MCF2L: variants seen among roughly 807,000 people sequenced by gnomAD.
The protein encoded by MCF2L is MCF.2 cell line derived transforming sequence like.
Under a neutral mutation model 153.4 loss-of-function variants are expected in MCF2L, and 97 were observed. The observed-to-expected ratio is 0.63, with a 90% CI of 0.54 to 0.75. The LOEUF (loss-of-function observed/expected upper bound fraction) is 0.75. MCF2L is among the 30% of genes least tolerant of loss of function. MCF2L has a pLI of 0.00. For missense variants in MCF2L, 1,347 were observed against 1,495.2 expected (o/e 0.90, Z 1.64); for synonymous variants, 659 against 632.2 (o/e 1.04, Z -0.64).
chr13:113,090,268 G>C, intron 26 of MCF2L: 1 of 1,337,122 alleles, frequency 7.5e-7, no homozygotes, highest in Non-Finnish European at 9.8e-7. Flanking sequence ...ACGCAAAAGC[G>C]TTTCTTTCCA....
At chr13:113,007,053 G>A (rs886423100) in intron 1 of MCF2L, among the ~76,000 whole-genome samples, 5 of 152,204 alleles carry the variant, frequency 3.3e-5, no homozygotes, top group Non-Finnish European at 7.3e-5. Context: ...GTGTCTCTCA[G>A]ACAGTGGCTC....
intron 26 of MCF2L, chr13:113,090,144 C>T (rs2035063531): frequency 6.5e-7 from 1 of 1,541,492 alleles, no homozygotes; most frequent in Middle Eastern, 1.7e-4. Context: ...GTTTTGCTAA[C>T]CTCAAAGGTC....
At position 113,064,096 on chromosome 13, in the gene MCF2L, C is replaced by T. The variant is rs896207126; in HGVS notation, c.490-208C>T. On this transcript the variant is annotated intron_variant, in intron 5 of 29. Transcript: ENST00000535094. This position sits in a 1 kb window ranked among gnomAD's most constrained non-coding sequence, Gnocchi z 6.0. Reference sequence around the variant, plus strand: ...TAAGGGCCATAACACACACACGCCACCACGAGAGGAGGTGTCGGCGGGGCG... The same window carrying T: ...TAAGGGCCATAACACACACACGCCATCACGAGAGGAGGTGTCGGCGGGGCG... Among the ~76,000 whole-genome samples the T allele has an allele frequency of 3.3e-5, 5 of 152,206 alleles. No individual in the cohort carries two copies. The highest frequency in any genetic ancestry group is 3.3e-4 in the Admixed American group (5 of 15,282).
chr13:113,060,818 C>T (rs973059909), intron 5 of MCF2L, 106 bp downstream of exon 5: 18 of 1,487,014 alleles, frequency 1.2e-5, no homozygotes, highest in Middle Eastern at 2.0e-4. Flanking sequence ...CAGGGCCACA[C>T]GGTCAACAAA....
rs759066012 is a variant in MCF2L at position 113,075,020 on chromosome 13, C to A, written c.1139C>A (p.Ala380Asp). The change falls in exon 11 of 30, where the codon GCC (alanine) becomes GAC (aspartate). Residue 380 changes from alanine (A) to aspartate (D), a missense_variant. Coordinates refer to ENST00000535094, the MANE Select transcript of MCF2L (RefSeq NM_001112732.3). ...CAGGTGGCCGTGGAGAGGGCCCGGGCCCTGTCTCTGGACGGCGAGCAGCTC... is the reference window on the plus strand; with the variant it reads ...CAGGTGGCCGTGGAGAGGGCCCGGGACCTGTCTCTGGACGGCGAGCAGCTC... ...KSGVAVERAR[A>D]LSLDGEQLIG... The A allele has an allele frequency of 1.9e-6, 3 of 1,608,040 alleles. No individual in the cohort carries two copies. The highest frequency in any genetic ancestry group is 1.3e-5 in the African/African-American group (1 of 74,960).
Position 112,960,561 on chromosome 13 carries a change from T to G in MCF2L, c.170-54202T>G, listed in dbSNP as rs1038847985. 2.0e-5 allele frequency among the ~76,000 whole-genome samples: 3 copies of G among 152,138 alleles called. No homozygotes were observed. Among genetic ancestry groups the G allele is most frequent in the African/African-American group, 7.2e-5 (3 of 41,428 alleles). On this transcript the variant is annotated intron_variant, in intron 2 of 29. Coordinates refer to the MCF2L transcript ENST00000375608. The surrounding 1 kb of genome is among the most constrained non-coding windows in gnomAD (Gnocchi z 4.2). ...GGCTGTCATTCTGGGGAAGGGGGGCTTTGGGGTTTCGGTGTCCAGGGCTGT... is the reference window on the plus strand; with the variant it reads ...GGCTGTCATTCTGGGGAAGGGGGGCGTTGGGGTTTCGGTGTCCAGGGCTGT...
chr13:113,082,889 C>T (rs531049896), intron 17 of MCF2L, among the ~76,000 whole-genome samples: 2 of 152,292 alleles, frequency 1.3e-5, no homozygotes, highest in African/African-American at 4.8e-5. Context: ...AGGTGGAAGC[C>T]GGAACCCCCT....
intron 1 of MCF2L, among the ~76,000 whole-genome samples, chr13:113,008,226 G>GTA (rs1301498160): frequency 6.6e-6 from 1 of 152,192 alleles, no homozygotes; most frequent in Non-Finnish European, 1.5e-5. Flanking sequence ...CCAAGTACGG[G>GTA]TATCTTTTTG....
chr13:112,953,857 C>T (rs1438876903), intron 2 of MCF2L, among the ~76,000 whole-genome samples: 6 of 152,354 alleles, frequency 3.9e-5, no homozygotes, highest in East Asian at 3.9e-4. Flanking sequence ...GCAGGGAAGA[C>T]GAGGAGGCTG....
intron 1 of MCF2L, among the ~76,000 whole-genome samples, chr13:112,897,528 C>T (rs577785446): frequency 3.3e-5 from 5 of 152,230 alleles, no homozygotes; most frequent in South Asian, 4.2e-4. Flanking sequence ...TGGGACGTCC[C>T]GGATGAAATG....
chr13:113,023,262 C>T (rs909342111), intron 2 of MCF2L, among the ~76,000 whole-genome samples: 4 of 152,138 alleles, frequency 2.6e-5, no homozygotes, highest in Non-Finnish European at 4.4e-5. Context: ...ACGTCCTGGC[C>T]GAAGTGAGAA....
chr13:113,062,555 G>A (rs1026965004), intron 5 of MCF2L, among the ~76,000 whole-genome samples: 5 of 152,154 alleles, frequency 3.3e-5, no homozygotes, highest in Non-Finnish European at 2.9e-5. Flanking sequence ...CCTGCACAAC[G>A]GCTCCACAGC....
intron 1 of MCF2L, among the ~76,000 whole-genome samples, chr13:113,011,475 G>A (rs1250430703): frequency 6.6e-6 from 1 of 150,982 alleles, no homozygotes; most frequent in Non-Finnish European, 1.5e-5. Context: ...TGCAGATGGT[G>A]GACAGGCGGT....
At position 112,983,206 on chromosome 13, in the gene MCF2L, G is replaced by C. The variant is rs1467493507; in HGVS notation, c.79+13748G>C. Among the ~76,000 whole-genome samples, 1 of 152,124 alleles carries C rather than the reference G, an allele frequency of 6.6e-6. No individual in the cohort carries two copies. The highest frequency in any genetic ancestry group is 1.5e-5 in the Non-Finnish European group (1 of 68,004). Reference sequence around the variant, plus strand: ...AGCAGAGCCCCTCACACAGGTCTAGGTTGCAGGTTCATGGCAGCTGGGTAG... The same window carrying C: ...AGCAGAGCCCCTCACACAGGTCTAGCTTGCAGGTTCATGGCAGCTGGGTAG... On this transcript the variant is annotated intron_variant, in intron 1 of 29. Transcript: ENST00000535094. This position sits in a 1 kb window ranked among gnomAD's most constrained non-coding sequence, Gnocchi z 4.0.
At chr13:113,004,348 C>T (rs1385493271) in intron 1 of MCF2L, among the ~76,000 whole-genome samples, 1 of 152,232 alleles carries the variant, frequency 6.6e-6, no homozygotes, top group African/African-American at 2.4e-5. Flanking sequence ...GCACCTCCCA[C>T]CTGCACAGCA....
rs192847856 is a variant in MCF2L, at chr13:113,060,327, C to G, written c.370-266C>G. Among the ~76,000 whole-genome samples the G allele has an allele frequency of 6.6e-3, 1,004 of 152,356 alleles. 6 individuals are homozygous for G. Among genetic ancestry groups the G allele is most frequent in the Middle Eastern group, 0.014 (4 of 294 alleles). ...GGGGACACAGCTCAGCCCCTAACAACTGTCGTAAGCTTTGGACTTTTACAT... is the reference window on the plus strand; with the variant it reads ...GGGGACACAGCTCAGCCCCTAACAAGTGTCGTAAGCTTTGGACTTTTACAT... On this transcript the variant is annotated intron_variant, in intron 4 of 29. Transcript: ENST00000535094.
At chr13:113,061,717 TCC>T (rs1340853745) in intron 5 of MCF2L, among the ~76,000 whole-genome samples, 1 of 23,646 alleles carries the variant, frequency 4.2e-5, no homozygotes. Context: ...TGCCCTCCCC[TCC>T]CCCTTGCCCT....
chr13:112,995,250 T>C (rs904898292), intron 1 of MCF2L, among the ~76,000 whole-genome samples: 1 of 152,158 alleles, frequency 6.6e-6, no homozygotes, highest in Non-Finnish European at 1.5e-5. Context: ...GCCAGCAGAA[T>C]GGGGATGTAG....
intron 3 of MCF2L, among the ~76,000 whole-genome samples, chr13:113,029,581 C>A (rs188014132): frequency 6.6e-5 from 10 of 152,320 alleles, no homozygotes; most frequent in Non-Finnish European, 2.9e-5. Flanking sequence ...AAGGAGGAGA[C>A]CTGCCCACTG....
Sources: allele counts gnomAD v4.1 joint callset (sites outside exome capture counted in the v4.1 genomes callset), GRCh38; gene constraint gnomAD v4.1.1; non-coding constraint Gnocchi (gnomAD v3.1); transcripts MANE v1.5; gene names NCBI Gene and HGNC (gene_info 2026-07-23, HGNC 2026-07-21).